Variants in BEST2 observed in about 807,000 individuals in gnomAD.
BEST2 encodes bestrophin-2a.
BEST2 carries 36 observed loss-of-function variants against 49.0 expected under a neutral mutation model. The observed-to-expected ratio is 0.73, with a 90% CI of 0.56 to 0.97. BEST2 has a LOEUF of 0.97. Ranked by LOEUF, BEST2 falls within the 50% of genes least tolerant of loss-of-function variation. The probability of loss-of-function intolerance (pLI) is 0.00; values close to 1 mark genes in which losing one functional copy is unlikely to be tolerated. For synonymous variants in BEST2, 335 were observed against 304.4 expected (o/e 1.10, Z -1.05); for missense variants, 672 against 710.0 (o/e 0.95, Z 0.61).
rs1470839882 is a variant in BEST2, at chr19:12,752,251, G to A, written c.-51-291G>A. 2.6e-5 allele frequency among the ~76,000 whole-genome samples: 4 copies of A among 151,934 alleles called. No individual in the cohort carries two copies. In the East Asian group the frequency reaches 5.8e-4, roughly 22 times the overall value. On this transcript the variant is annotated intron_variant, in intron 1 of 9. Coordinates refer to ENST00000553030, the MANE Select transcript of BEST2 (RefSeq NM_017682.3). ...TTGCGGAATGGGGCATGCTACAGGT[G>A]GCCTCTGGGTGAAGGGGATCGGGCA...
intron 4 of BEST2, 28 bp from the exon 5 acceptor site, chr19:12,754,849 C>A (rs772204116): frequency 1.2e-6 from 2 of 1,600,646 alleles, no homozygotes; most frequent in East Asian, 4.5e-5. Flanking sequence ...GGGCAAGGGG[C>A]GAGCTATCCC....
In BEST2 at chr19:12,752,746, T is replaced by G; in HGVS notation, c.152+2T>G. 1 of 1,610,214 alleles carries G rather than the reference T, an allele frequency of 6.2e-7. No homozygotes were observed. Among genetic ancestry groups the G allele is most frequent in the Non-Finnish European group, 8.5e-7 (1 of 1,178,846 alleles). ...CATGGCGCTGAGTGCTGCCTACCGG[T>G]GAGGCTGCCCTGAGGTGCTCATGTT... On this transcript the variant is annotated splice_donor_variant, in intron 2 of 9. Transcript: ENST00000553030. LOFTEE classifies it high-confidence loss of function.
Position 12,757,871 on chromosome 19 carries a change from G to T in BEST2, c.1324G>T (p.Ala442Ser). The T allele has an allele frequency of 6.5e-7, 1 of 1,549,438 alleles. No homozygotes were observed. The highest frequency in any genetic ancestry group is 8.7e-7 in the Non-Finnish European group (1 of 1,147,206). Residue 442 changes from alanine to serine, a missense_variant, in exon 10 of 10, where the codon GCG becomes TCG. Coordinates refer to ENST00000553030, the MANE Select transcript of BEST2 (RefSeq NM_017682.3). ...CTCATGCGCGGTTGTCCCCGAAGGC[G>T]CGGCCCCGGAGTGCAGCTGCGGGGA... is the stretch of plus-strand genomic sequence containing the variant. ...SCSCAVVPEG[A>S]APECSCGDPL...
At position 12,755,807 on chromosome 19, in the gene BEST2, G is replaced by A. The variant is rs371059562; in HGVS notation, c.867+40G>A. The A allele has an allele frequency of 7.6e-5, 123 of 1,613,446 alleles. 1 individual carries two copies. Among genetic ancestry groups the A allele is most frequent in the African/African-American group, 4.0e-4 (30 of 75,012 alleles). On this transcript the variant is annotated intron_variant, in intron 7 of 9. Transcript: ENST00000553030. The surrounding 1 kb of genome is among the most constrained non-coding windows in gnomAD (Gnocchi z 4.4). ...CAGGCTGGAATTTCGTGGGTGGGGCGGGCATGGGGTTCCCAAGTTTCCACC... is the reference window on the plus strand; with the variant it reads ...CAGGCTGGAATTTCGTGGGTGGGGCAGGCATGGGGTTCCCAAGTTTCCACC...
chr19:12,755,314 C>A lies in BEST2; in HGVS notation c.637-65C>A. 6.5e-7 allele frequency: 1 copy of A among 1,540,308 alleles called. No homozygotes were observed. The highest frequency in any genetic ancestry group is 1.1e-5 in the South Asian group (1 of 89,474). ...GACCACCCACCTCCATCCCACGTAC[C>A]TACACTTAATATCCCTGTGTGAGCT... On this transcript the variant is annotated intron_variant, in intron 5 of 9. Transcript: ENST00000553030. This position sits in a 1 kb window ranked among gnomAD's most constrained non-coding sequence, Gnocchi z 4.4.
rs1040838087 is a variant in BEST2, at chr19:12,755,224, G to T, written c.637-155G>T. Among the ~76,000 whole-genome samples the T allele has an allele frequency of 1.3e-5, 2 of 151,934 alleles. No homozygotes were observed. The highest frequency in any genetic ancestry group is 4.8e-5 in the African/African-American group (2 of 41,348). ...CCTGGGTGCATGGTACCTCATCCAG[G>T]TGCACACTCACCACCAAATACCCTC... On this transcript the variant is annotated intron_variant, in intron 5 of 9. Transcript: ENST00000553030. The surrounding 1 kb of genome is among the most constrained non-coding windows in gnomAD (Gnocchi z 4.4).
rs201824648 is a variant in BEST2 at position 12,753,285 on chromosome 19, C to T, written c.178C>T (p.Arg60Cys). 2.5e-5 allele frequency: 40 copies of T among 1,614,180 alleles called. 1 individual carries two copies. The East Asian group carries it at 4.9e-4, about 20-fold the overall frequency. The part of the protein sequence containing the change: ...YRFVLTEGQK[R>C]YFEKLVIYCD... Reference sequence around the variant, plus strand: ...CTTTGTGCTGACCGAAGGGCAGAAGCGCTACTTCGAGAAGCTTGTGATTTA... The same window carrying T: ...CTTTGTGCTGACCGAAGGGCAGAAGTGCTACTTCGAGAAGCTTGTGATTTA... The change falls in exon 3 of 10, where the codon CGC becomes TGC. Residue 60 changes from arginine to cysteine, a missense_variant. Physicochemically the swap from Arg to Cys is radical, Grantham distance 180. Coordinates refer to ENST00000553030, the MANE Select transcript of BEST2 (RefSeq NM_017682.3).
intron 3 of BEST2, among the ~76,000 whole-genome samples, 173 bp downstream of exon 3, chr19:12,753,527 T>G (rs1967898136): frequency 6.7e-6 from 1 of 149,460 alleles, no homozygotes; most frequent in African/African-American, 2.5e-5. Context: ...CAGATGTGGC[T>G]CTACACTCTG....
chr19:12,754,512 T>A, intron 3 of BEST2, 40 bp from the exon 4 acceptor site: 2 of 1,422,310 alleles, frequency 1.4e-6, no homozygotes, highest in Non-Finnish European at 1.9e-6. Context: ...CCCCTGGCCC[T>A]GGTGTCCCCA....
In BEST2 at chr19:12,757,813, C is replaced by G; in HGVS notation, c.1266C>G (p.Ser422Arg). The change falls in exon 10 of 10, where the codon AGC becomes AGG. Residue 422 changes from serine (S) to arginine (R), a missense_variant. This residue lies in a region of BEST2 where 291 missense variants were observed against 279.8 expected (regional missense o/e 1.04). Transcript: ENST00000553030. ...TGTCCTTTCTACTCCGCAAGAACAG[C>G]TGCGTGTCGGAGGCGTCTACTGGGG... ...RRLSFLLRKNSCVSEASTGAS... is the reference protein window; with the variant it reads ...RRLSFLLRKNRCVSEASTGAS... 6.5e-7 allele frequency: 1 copy of G among 1,549,004 alleles called. No homozygotes were observed. The highest frequency in any genetic ancestry group is 2.0e-5 in the Admixed American group (1 of 50,990).
Position 12,755,998 on chromosome 19 carries a change from T to C in BEST2, c.948+63T>C, listed in dbSNP as rs1040826580. The C allele has an allele frequency of 1.9e-6, 3 of 1,594,032 alleles. No homozygotes were observed. The highest frequency in any genetic ancestry group is 2.6e-6 in the Non-Finnish European group (3 of 1,162,552). ...ACCATCCCGGAGTGCCCAACAGGGT[T>C]CTGGTCCCACCCCTGCCAAGTCTTG... On this transcript the variant is annotated intron_variant, in intron 8 of 9. Transcript: ENST00000553030. This position sits in a 1 kb window ranked among gnomAD's most constrained non-coding sequence, Gnocchi z 4.4.
chr19:12,752,331 G>A (rs906988072), intron 1 of BEST2, among the ~76,000 whole-genome samples: 5 of 151,822 alleles, frequency 3.3e-5, no homozygotes, highest in Admixed American at 6.6e-5. Context: ...GGTGGGGGAC[G>A]GCAGTTACCA....
In BEST2 at chr19:12,758,141, TCCCGGTCTGCATAAG is replaced by T; in HGVS notation, c.*67_*81del. The T allele has an allele frequency of 1.9e-6, 3 of 1,553,732 alleles. No individual in the cohort carries two copies. The highest frequency in any genetic ancestry group is 1.7e-6 in the Non-Finnish European group (2 of 1,144,942). On this transcript the variant is annotated 3_prime_UTR_variant, in exon 10 of 10. Coordinates refer to ENST00000553030, the MANE Select transcript of BEST2 (RefSeq NM_017682.3). ...TCCCTGCACGGCACCCACGCAGGTG[TCCCGGTCTGCATAAG>T]CCTCGTGTGCCTTTGTAAAGTCCAC... is the stretch of plus-strand genomic sequence containing the variant.
chr19:12,755,908 C>T lies in BEST2; in HGVS notation c.921C>T (p.Thr307=), dbSNP rs1184429606. The part of the protein sequence containing the change: ...PFGEDDDDFE[T]NFLIDRNFQV... ...GAGAGGACGATGATGACTTTGAGAC[C>T]AACTTTCTGATCGATAGAAACTTCC... Residue 307 remains threonine (T), a synonymous_variant, in exon 8 of 10, where the codon ACC becomes ACT. Coordinates refer to ENST00000553030, the MANE Select transcript of BEST2 (RefSeq NM_017682.3). This position sits in a 1 kb window ranked among gnomAD's most constrained non-coding sequence, Gnocchi z 4.4. 1.2e-6 allele frequency: 2 copies of T among 1,613,996 alleles called. No individual in the cohort carries two copies. The highest frequency in any genetic ancestry group is 1.3e-5 in the African/African-American group (1 of 74,914).
In BEST2 at chr19:12,752,535, C is replaced by T; in HGVS notation, c.-51-7C>T. 3.8e-6 allele frequency: 6 copies of T among 1,576,584 alleles called. No homozygotes were observed. Among genetic ancestry groups the T allele is most frequent in the Non-Finnish European group, 4.3e-6 (5 of 1,154,686 alleles). On this transcript the variant is annotated splice_polypyrimidine_tract_variant and splice_region_variant and intron_variant, in intron 1 of 9. Transcript: ENST00000553030. ...TTATCCCCGCACCTCTCCACCCACA[C>T]CCGCAGCCCCCACCCGGGCCACCCA...
intron 1 of BEST2, 42 bp from the exon 2 acceptor site, chr19:12,752,500 C>T: frequency 7.3e-7 from 1 of 1,361,384 alleles, no homozygotes; most frequent in South Asian, 1.3e-5. Flanking sequence ...GGTGGAATCC[C>T]TGTGCTCAGT....
In BEST2 at chr19:12,753,580, C is replaced by A. The variant is rs1367173770; in HGVS notation, c.247+226C>A. Among the ~76,000 whole-genome samples, 5 of 151,892 alleles carry A rather than the reference C, an allele frequency of 3.3e-5. No individual in the cohort carries two copies. The South Asian group carries it at 1.0e-3, about 31-fold the overall frequency. The stretch of plus-strand genomic sequence containing the variant: ...TGGGGTCACAGTGCCCCCTGAGGTG[C>A]CCCCAGGAGAGCTCCATCTCACACA... On this transcript the variant is annotated intron_variant, in intron 3 of 9. Transcript: ENST00000553030.
chr19:12,754,102 G>A (rs1258729136), intron 3 of BEST2, among the ~76,000 whole-genome samples: 4 of 117,564 alleles, frequency 3.4e-5, no homozygotes, highest in Non-Finnish European at 5.0e-5. Flanking sequence ...TTGAGATGGA[G>A]TCTCGCTCTG....
chr19:12,755,708 G>C lies in BEST2; in HGVS notation c.808G>C (p.Asp270His), dbSNP rs768047440. ...PAQGYKDHDL[D>H]LCVPIFTLLQ... ...TCAGGGTTACAAAGACCACGACCTA[G>C]ACCTGTGTGTGCCCATCTTCACCCT... is the stretch of plus-strand genomic sequence containing the variant. The change falls in exon 7 of 10, where the codon GAC becomes CAC. Residue 270 changes from aspartate to histidine, a missense_variant. Transcript: ENST00000553030. This position sits in a 1 kb window ranked among gnomAD's most constrained non-coding sequence, Gnocchi z 4.4. 2 of 1,614,106 alleles carry C rather than the reference G, an allele frequency of 1.2e-6. No homozygotes were observed. The highest frequency in any genetic ancestry group is 1.1e-5 in the South Asian group (1 of 91,086).
Sources: allele counts gnomAD v4.1 joint callset (sites outside exome capture counted in the v4.1 genomes callset), GRCh38; gene constraint gnomAD v4.1.1; regional missense constraint gnomAD v4.1.1; non-coding constraint Gnocchi (gnomAD v3.1); transcripts MANE v1.5; gene names NCBI Gene and HGNC (gene_info 2026-07-23, HGNC 2026-07-21).